Variants in FAM83B observed in about 807,000 individuals in gnomAD.
FAM83B encodes scaffolding CK1 anchoring protein B, also known as protein FAM83B.
FAM83B carries 26 observed loss-of-function variants against 38.8 expected under a neutral mutation model. The ratio of observed to expected loss-of-function variants is 0.67; its 90% CI spans 0.49 to 0.93. The LOEUF (loss-of-function observed/expected upper bound fraction) is 0.93, where lower values mean the gene tolerates loss of function less well. Among genes scored for constraint, FAM83B ranks in the 40% least tolerant of loss-of-function variants. FAM83B has a pLI of 0.00. For missense variants in FAM83B, 1,237 were observed against 1,197.3 expected (o/e 1.03, Z -0.49); for synonymous variants, 419 against 423.1 (o/e 0.99, Z 0.12).
chr6:54,908,161 A>T (rs977586594), intron 2 of FAM83B, among the ~76,000 whole-genome samples: 1 of 148,900 alleles, frequency 6.7e-6, no homozygotes, highest in African/African-American at 2.5e-5. Flanking sequence ...TCTAGCAATT[A>T]CTGTCAGAGT....
Position 54,929,996 on chromosome 6 carries a change from T to A in FAM83B, c.734+2364T>A, listed in dbSNP as rs556811110. Among the ~76,000 whole-genome samples, 6 of 152,252 alleles carry A rather than the reference T, an allele frequency of 3.9e-5. No homozygotes were observed. The South Asian group carries it at 1.2e-3, about 32-fold the overall frequency. ...GTTGGTTCTTCTGATATTTATTTCA[T>A]CCCTTAAATAACATGATTATGTTAT... On this transcript the variant is annotated intron_variant, in intron 4 of 4. Coordinates refer to ENST00000306858, the MANE Select transcript of FAM83B (RefSeq NM_001010872.3).
intron 1 of FAM83B, among the ~76,000 whole-genome samples, chr6:54,868,766 G>T (rs1309149600): frequency 6.6e-6 from 1 of 152,022 alleles, no homozygotes; most frequent in Non-Finnish European, 1.5e-5. Context: ...TCAAGCTGAG[G>T]GCTTTCCAAA....
chr6:54,927,815 C>T (rs1455193478), intron 4 of FAM83B, among the ~76,000 whole-genome samples, 183 bp downstream of exon 4: 3 of 148,256 alleles, frequency 2.0e-5, no homozygotes, highest in Non-Finnish European at 4.4e-5. Context: ...CACTAAAGAG[C>T]ATTAAGATCT....
intron 1 of FAM83B, among the ~76,000 whole-genome samples, chr6:54,857,391 G>A (rs1483884988): frequency 6.6e-6 from 1 of 152,138 alleles, no homozygotes; most frequent in Non-Finnish European, 1.5e-5. Flanking sequence ...ATATGTCTTT[G>A]TTGTAAATTA....
In FAM83B at chr6:54,873,690, G is replaced by GTT. The variant is rs34408059; in HGVS notation, c.444+3014_444+3015dup. ...GATAATGTATATTTTAATGGATAAA[G>GTT]TTTTTTTTTTTTTTTGCTTCTAAAT... On this transcript the variant is annotated intron_variant, in intron 2 of 4. Transcript: ENST00000306858. 7.2e-3 allele frequency among the ~76,000 whole-genome samples: 990 copies of GTT among 137,214 alleles called. 7 individuals are homozygous for GTT. Among genetic ancestry groups the GTT allele is most frequent in the African/African-American group, 0.021 (790 of 37,424 alleles). The allele number at this position is 137,214 out of a possible 152,430, so 90.0% of individuals were successfully genotyped here.
At chr6:54,870,797 C>T in intron 2 of FAM83B, 107 bp downstream of exon 2, 2 of 1,074,060 alleles carry the variant, frequency 1.9e-6, no homozygotes, top group South Asian at 1.7e-5. Flanking sequence ...TATGTATAGG[C>T]CATGCCTATT....
At chr6:54,896,708 C>A (rs986772319) in intron 2 of FAM83B, among the ~76,000 whole-genome samples, 5 of 152,082 alleles carry the variant, frequency 3.3e-5, no homozygotes, top group Non-Finnish European at 7.4e-5. Flanking sequence ...TTAAATAATA[C>A]TAAATTTAAA....
intron 2 of FAM83B, among the ~76,000 whole-genome samples, chr6:54,887,821 G>T (rs976572547): frequency 4.0e-5 from 6 of 151,638 alleles, no homozygotes; most frequent in Non-Finnish European, 7.4e-5. Flanking sequence ...ACTATACATT[G>T]TATGCTATAT....
In FAM83B at chr6:54,940,897, G is replaced by A; in HGVS notation, c.1926G>A (p.Leu642=). The A allele has an allele frequency of 1.2e-6, 2 of 1,613,570 alleles. No homozygotes were observed. Among genetic ancestry groups the A allele is most frequent in the Non-Finnish European group, 1.7e-6 (2 of 1,179,880 alleles). Residue 642 remains leucine, a synonymous_variant, in exon 5 of 5, where the codon TTG becomes TTA. Transcript: ENST00000306858. ...CAAATAACTATATATATAAAACCTTGGGTGTAAATAAGCAGACAGAAAATC... is the reference window on the plus strand; with the variant it reads ...CAAATAACTATATATATAAAACCTTAGGTGTAAATAAGCAGACAGAAAATC... ...TESNNYIYKT[L]GVNKQTENLK...
chr6:54,939,513 G>A (rs1773604422), intron 4 of FAM83B, among the ~76,000 whole-genome samples, 193 bp from the exon 5 acceptor site: 1 of 152,152 alleles, frequency 6.6e-6, no homozygotes, highest in Non-Finnish European at 1.5e-5. Context: ...CAAAATTTGA[G>A]TTGCGTTGTT....
At chr6:54,909,882 GAC>G (rs1229860543) in intron 2 of FAM83B, among the ~76,000 whole-genome samples, 2 of 152,188 alleles carry the variant, frequency 1.3e-5, no homozygotes, top group Non-Finnish European at 2.9e-5. Flanking sequence ...GAAAAGAAAA[GAC>G]GGGGATTTTG....
rs1581893977 is a variant in FAM83B at position 54,876,245 on chromosome 6, GA to G, written c.444+5558del. Among the ~76,000 whole-genome samples, 4 of 134,924 alleles carry G rather than the reference GA, an allele frequency of 3.0e-5. No individual in the cohort carries two copies. The East Asian group carries it at 8.0e-4, about 27-fold the overall frequency. The allele number at this position is 134,924 out of a possible 152,430, so 88.5% of individuals were successfully genotyped here. On this transcript the variant is annotated intron_variant, in intron 2 of 4. Transcript: ENST00000306858. The stretch of plus-strand genomic sequence containing the variant: ...CAATACCTCTATTAATAGTTGGAAA[GA>G]AATAATTTAAAATGCAAGTTATTTA...
intron 2 of FAM83B, among the ~76,000 whole-genome samples, chr6:54,880,094 C>T (rs1483569940): frequency 1.3e-5 from 2 of 152,140 alleles, no homozygotes; most frequent in African/African-American, 4.8e-5. Flanking sequence ...TTAAGTCTAC[C>T]TATGCTTATT....
intron 2 of FAM83B, among the ~76,000 whole-genome samples, chr6:54,894,134 C>G (rs746410033): frequency 1.3e-5 from 2 of 152,146 alleles, no homozygotes; most frequent in Non-Finnish European, 2.9e-5. Flanking sequence ...AGGGTTCTTT[C>G]AAAGCTTATA....
Position 54,859,093 on chromosome 6 carries a change from C to G in FAM83B, c.-60-11094C>G, listed in dbSNP as rs184848959. Among the ~76,000 whole-genome samples the G allele has an allele frequency of 3.0e-3, 454 of 151,836 alleles. 3 individuals are homozygous for G. Among genetic ancestry groups the G allele is most frequent in the South Asian group, 0.019 (92 of 4,788 alleles). ...CCCCCAGCACTGAGACGGAGTCTCACTCTGTCACCCAGGCTGGAGTGCAAT... is the reference window on the plus strand; with the variant it reads ...CCCCCAGCACTGAGACGGAGTCTCAGTCTGTCACCCAGGCTGGAGTGCAAT... On this transcript the variant is annotated intron_variant, in intron 1 of 4. Coordinates refer to ENST00000306858, the MANE Select transcript of FAM83B (RefSeq NM_001010872.3).
At chr6:54,874,446 C>G (rs898293050) in intron 2 of FAM83B, among the ~76,000 whole-genome samples, 9 of 152,048 alleles carry the variant, frequency 5.9e-5, no homozygotes, top group Non-Finnish European at 1.2e-4. Context: ...ACATTTAGGT[C>G]AGACTTTACT....
At chr6:54,883,459 C>T (rs62414960) in intron 2 of FAM83B, among the ~76,000 whole-genome samples, 17 of 151,294 alleles carry the variant, frequency 1.1e-4, no homozygotes, top group African/African-American at 3.9e-4. Context: ...CTCAACCTCC[C>T]GAGTAGCTGG....
chr6:54,926,461 C>A lies in FAM83B; in HGVS notation c.535C>A (p.Leu179Met), dbSNP rs1376136954. 6.2e-7 allele frequency: 1 copy of A among 1,610,222 alleles called. No individual in the cohort carries two copies. Among genetic ancestry groups the A allele is most frequent in the African/African-American group, 1.3e-5 (1 of 74,788 alleles). ...AACTCGAGGAGTATCTGTTTACATT[C>A]TGCTTGATGAGTCCAATTTTAATCA... ...ASTRGVSVYI[L>M]LDESNFNHFL... Residue 179 changes from leucine (L) to methionine (M), a missense_variant, in exon 3 of 5, where the codon CTG (leucine) becomes ATG (methionine). Leu to Met is a conservative substitution (Grantham distance 15). Coordinates refer to ENST00000306858, the MANE Select transcript of FAM83B (RefSeq NM_001010872.3).
chr6:54,861,012 TC>T (rs1199418963), intron 1 of FAM83B, among the ~76,000 whole-genome samples: 1 of 152,208 alleles, frequency 6.6e-6, no homozygotes, highest in Non-Finnish European at 1.5e-5. Context: ...CCTCAGGTGA[TC>T]TGCTTGCCTT....
Sources: gnomAD v4.1 joint callset for allele counts (sites outside exome capture counted in the v4.1 genomes callset) on GRCh38, gnomAD v4.1.1 for gene constraint, MANE v1.5 for transcripts, NCBI Gene and HGNC (gene_info 2026-07-23, HGNC 2026-07-21) for gene names.